TDRD1: variants seen among roughly 807,000 people sequenced by gnomAD.
TDRD1 encodes tudor domain-containing protein 1.
In TDRD1, 37 loss-of-function variants were observed where a neutral mutation model predicts 140.6. That is an observed-to-expected ratio of 0.26 (90% confidence interval 0.20 to 0.35). The LOEUF is 0.35. TDRD1 is among the 10% of genes least tolerant of loss of function. The pLI is 1.00. For synonymous variants in TDRD1, 506 were observed against 475.7 expected, an observed-to-expected ratio of 1.06 and a Z score of -0.83; for missense variants, 1,243 against 1,393.0, an observed-to-expected ratio of 0.89 and a Z score of 1.71.
At chr10:114,194,852 G>A (rs751654203) in intron 3 of TDRD1, among the ~76,000 whole-genome samples, 2 of 148,568 alleles carry the variant, frequency 1.3e-5, no homozygotes, top group African/African-American at 2.5e-5. Flanking sequence ...TTGTACTCCT[G>A]GACTCAAGCA....
upstream of TDRD1, among the ~76,000 whole-genome samples, chr10:114,176,660 G>A (rs2032702395): frequency 6.6e-6 from 1 of 152,206 alleles, no homozygotes; most frequent in Admixed American, 6.5e-5. The surrounding 1 kb of genome is among the most constrained non-coding windows in gnomAD (Gnocchi z 4.2). Context: ...GCTCACACTT[G>A]TAATCCCAGC....
In TDRD1 at chr10:114,228,526, T is replaced by C. The variant is rs1007858530; in HGVS notation, c.3538+401T>C. On this transcript the variant is annotated intron_variant, in intron 25 of 25. Coordinates refer to ENST00000251864, the Ensembl canonical transcript of TDRD1. ...ATTGCTGTAAATATGTTTAGCACTT[T>C]TTGCGAGGGGTATCTAAAGGGCCAA... 3.0e-6 allele frequency: 3 copies of C among 992,594 alleles called. No individual in the cohort carries two copies. In the East Asian group the frequency reaches 3.3e-4, roughly 110 times the overall value. The allele number at this position is 992,594 out of a possible 1,614,324, so 61.5% of individuals were successfully genotyped here.
At chr10:114,210,789 C>T (rs1235325111) in intron 12 of TDRD1, 41 bp downstream of exon 12, 1 of 1,611,628 alleles carries the variant, frequency 6.2e-7, no homozygotes, top group East Asian at 2.2e-5. Context: ...AGCTAAAATA[C>T]TTCAAGAGAC....
chr10:114,220,635 G>T (rs144322420), exon 19 of TDRD1: 1 of 1,613,462 alleles, frequency 6.2e-7, no homozygotes, highest in South Asian at 1.1e-5. Flanking sequence ...GTGTTGCTGG[G>T]ATAAAATTGC....
At chr10:114,183,998 G>C (rs1376799794) in intron 1 of TDRD1, among the ~76,000 whole-genome samples, 1 of 151,980 alleles carries the variant, frequency 6.6e-6, no homozygotes, top group African/African-American at 2.4e-5. Context: ...AGATGTAGAG[G>C]TACCAAGTCA....
chr10:114,194,306 A>G lies in TDRD1; in HGVS notation c.384+3287A>G, dbSNP rs146824517. 7.5e-4 allele frequency among the ~76,000 whole-genome samples: 114 copies of G among 152,316 alleles called. 1 individual carries two copies. The highest frequency in any genetic ancestry group is 2.2e-3 in the African/African-American group (91 of 41,580). On this transcript the variant is annotated intron_variant, in intron 3 of 25. Transcript: ENST00000251864. ...TCTAAACATTTGGTAGAATTCTCCA[A>G]TGAAAACCATCTGGACCTGGAGATT...
At chr10:114,223,932 C>T (rs939176505) in intron 21 of TDRD1, among the ~76,000 whole-genome samples, 31 of 152,276 alleles carry the variant, frequency 2.0e-4, no homozygotes, top group Middle Eastern at 3.4e-3. Flanking sequence ...CTGGGTTTTT[C>T]CTCACCATGC....
chr10:114,185,797 C>A (rs553709352), intron 1 of TDRD1, among the ~76,000 whole-genome samples: 5 of 151,842 alleles, frequency 3.3e-5, no homozygotes, highest in Non-Finnish European at 5.9e-5. Context: ...CCATGTTGTC[C>A]AGGCTGGTCT....
At chr10:114,228,318 C>T (rs2036560579) in intron 25 of TDRD1, 1 of 1,359,908 alleles carries the variant, frequency 7.4e-7, no homozygotes, top group Admixed American at 3.5e-5. Flanking sequence ...TCCTTTGCTA[C>T]TGCTAATGGA....
chr10:114,228,038 G>A (rs766881742), exon 25 of TDRD1: 13 of 1,609,606 alleles, frequency 8.1e-6, no homozygotes, highest in Non-Finnish European at 1.1e-5. Context: ...TCACCCACAG[G>A]TTGAAAAACA....
At chr10:114,220,236 C>T (rs965911962) in intron 18 of TDRD1, among the ~76,000 whole-genome samples, 11 of 152,198 alleles carry the variant, frequency 7.2e-5, no homozygotes, top group African/African-American at 2.7e-4. Context: ...CAGCTGACAT[C>T]TTCTACCAGC....
intron 25 of TDRD1, chr10:114,228,679 T>A: frequency 1.0e-6 from 1 of 985,410 alleles, no homozygotes; most frequent in Non-Finnish European, 1.2e-6. Context: ...AACATACTGG[T>A]GAGTTTTAAA....
chr10:114,199,441 C>G, intron 4 of TDRD1, 124 bp downstream of exon 4: 1 of 1,192,376 alleles, frequency 8.4e-7, no homozygotes, highest in Non-Finnish European at 1.1e-6. Flanking sequence ...ACACCCGTCT[C>G]AGCCTCAGCA....
intron 10 of TDRD1, 33 bp downstream of exon 10, chr10:114,204,926 T>A: frequency 1.3e-6 from 2 of 1,512,028 alleles, no homozygotes; most frequent in Non-Finnish European, 8.8e-7. Flanking sequence ...GAGTACTTAA[T>A]AGGATATGTA....
intron 18 of TDRD1, among the ~76,000 whole-genome samples, chr10:114,219,119 TAAG>T (rs2133135303): frequency 6.6e-6 from 1 of 152,322 alleles, no homozygotes; most frequent in Admixed American, 6.5e-5. Context: ...GCACAGTCAT[TAAG>T]ATGATGTTAA....
intron 14 of TDRD1, among the ~76,000 whole-genome samples, chr10:114,212,622 C>T (rs185129500): frequency 1.8e-4 from 27 of 152,284 alleles, no homozygotes; most frequent in South Asian, 4.1e-4. Context: ...CCTTGCATTT[C>T]GTAAACTGAC....
exon 26 of TDRD1, chr10:114,231,596 T>C (rs2036761813): frequency 8.3e-7 from 1 of 1,210,348 alleles, no homozygotes; most frequent in African/African-American, 1.6e-5. Context: ...CTTTTCTTTG[T>C]CCACTTTCTC....
exon 9 of TDRD1, chr10:114,204,135 T>C (rs1218948496): frequency 1.9e-6 from 3 of 1,603,906 alleles, no homozygotes; most frequent in East Asian, 4.5e-5. Flanking sequence ...ATGTCTTATA[T>C]ATTGATTATG....
chr10:114,226,001 G>A (rs1435191665), intron 21 of TDRD1, 48 bp from the exon 22 acceptor site: 1 of 1,498,840 alleles, frequency 6.7e-7, no homozygotes, highest in Admixed American at 1.7e-5. Flanking sequence ...TAAAGTAGGA[G>A]GAATCACTGA....
Sources: gnomAD v4.1 joint callset for allele counts (sites outside exome capture counted in the v4.1 genomes callset) on GRCh38, gnomAD v4.1.1 for gene constraint, Gnocchi (gnomAD v3.1) non-coding constraint, MANE v1.5 for transcripts, NCBI Gene and HGNC (gene_info 2026-07-23, HGNC 2026-07-21) for gene names.